The following KCTD8 variants were observed in gnomAD, a reference collection of about 807,000 sequenced individuals.
The protein encoded by KCTD8 is BTB/POZ domain-containing protein KCTD8.
In KCTD8, 27 loss-of-function variants were observed where a neutral mutation model predicts 31.5. That is an observed-to-expected ratio of 0.86 (90% CI 0.63 to 1.18). KCTD8 has a LOEUF of 1.18. Among genes scored for constraint, KCTD8 ranks in the 50% most tolerant of loss-of-function variants. The pLI, the probability that KCTD8 is intolerant of heterozygous loss-of-function variation, is 0.00. For synonymous variants in KCTD8, 290 were observed against 280.0 expected (o/e 1.04, Z -0.36); for missense variants, 658 against 647.7 (o/e 1.02, Z -0.17).
intron 1 of KCTD8, among the ~76,000 whole-genome samples, chr4:44,260,394 C>T (rs1716126726): frequency 6.6e-6 from 1 of 150,910 alleles, no homozygotes; most frequent in African/African-American, 2.4e-5. Flanking sequence ...ACCTTCCAGG[C>T]AAAAAAAGTT....
chr4:44,291,392 C>T (rs10013818), intron 1 of KCTD8, among the ~76,000 whole-genome samples: 32,880 of 152,000 alleles, frequency 0.22, 3,634 homozygotes, highest in East Asian at 0.29. Context: ...GGAGAAAGGA[C>T]TCCCCACTCA....
chr4:44,300,737 TTAAG>T (rs1380839887), intron 1 of KCTD8, among the ~76,000 whole-genome samples: 1 of 152,140 alleles, frequency 6.6e-6, no homozygotes, highest in African/African-American at 2.4e-5. Context: ...TTATTATACT[TTAAG>T]TTTTAGGGTA....
intron 1 of KCTD8, among the ~76,000 whole-genome samples, chr4:44,337,069 G>A (rs1718768914): frequency 6.6e-6 from 1 of 152,112 alleles, no homozygotes; most frequent in Non-Finnish European, 1.5e-5. Flanking sequence ...CATAAAAGAA[G>A]ATAGAAACAC....
At chr4:44,215,354 A>G (rs577577432) in intron 1 of KCTD8, among the ~76,000 whole-genome samples, 206 of 152,324 alleles carry the variant, frequency 1.4e-3, no homozygotes, top group African/African-American at 4.8e-3. Flanking sequence ...ATATAGATGA[A>G]TCATAATTCA....
At position 44,442,084 on chromosome 4, in the gene KCTD8, C is replaced by T. The variant is rs796318432; in HGVS notation, c.961+5479G>A. On this transcript the variant is annotated intron_variant, in intron 1 of 1. Coordinates refer to ENST00000360029, the MANE Select transcript of KCTD8 (RefSeq NM_198353.3). ...TGACCATGACTTTTTAAAAATATGT[C>T]TTTTTATCTATGTGTACACAGAAAA... is the stretch of plus-strand genomic sequence containing the variant. Among the ~76,000 whole-genome samples the T allele has an allele frequency of 1.3e-4, 19 of 151,960 alleles. No individual in the cohort carries two copies. In the East Asian group the frequency reaches 3.7e-3, roughly 29 times the overall value.
chr4:44,416,746 T>C (rs7662479), intron 1 of KCTD8, among the ~76,000 whole-genome samples: 11,812 of 152,244 alleles, frequency 0.078, 1,274 homozygotes, highest in African/African-American at 0.25. Flanking sequence ...GATGCCAGTG[T>C]TATGTTTCCT....
intron 1 of KCTD8, among the ~76,000 whole-genome samples, chr4:44,275,136 TA>T (rs1397177494): frequency 6.6e-6 from 1 of 151,886 alleles, no homozygotes; most frequent in Non-Finnish European, 1.5e-5. Flanking sequence ...GAAGGTATCC[TA>T]AAAATGGAGT....
intron 1 of KCTD8, among the ~76,000 whole-genome samples, chr4:44,298,752 C>G (rs1397049303): frequency 6.6e-6 from 1 of 152,162 alleles, no homozygotes; most frequent in Non-Finnish European, 1.5e-5. Flanking sequence ...ATGTTACCAT[C>G]TTAAAGACAG....
At chr4:44,287,620 C>A (rs553627998) in intron 1 of KCTD8, among the ~76,000 whole-genome samples, 2 of 152,282 alleles carry the variant, frequency 1.3e-5, no homozygotes, top group African/African-American at 4.8e-5. Flanking sequence ...GAGTATTTAT[C>A]TAATAGTCCT....
chr4:44,438,077 A>C (rs1220816124), intron 1 of KCTD8, among the ~76,000 whole-genome samples: 2 of 152,162 alleles, frequency 1.3e-5, no homozygotes, highest in African/African-American at 4.8e-5. Context: ...GAGACATGCT[A>C]GGTGCAGACT....
intron 1 of KCTD8, among the ~76,000 whole-genome samples, chr4:44,440,090 C>T (rs1721781348): frequency 6.6e-6 from 1 of 151,924 alleles, no homozygotes. Flanking sequence ...CGCCACCACG[C>T]CCAGCTAATT....
At chr4:44,419,767 G>A (rs1449576277) in intron 1 of KCTD8, among the ~76,000 whole-genome samples, 2 of 151,910 alleles carry the variant, frequency 1.3e-5, no homozygotes, top group African/African-American at 4.8e-5. Flanking sequence ...TAGTTGATGG[G>A]CGCAGCAAAT....
chr4:44,323,698 C>A (rs1167886314), intron 1 of KCTD8, among the ~76,000 whole-genome samples: 1 of 151,664 alleles, frequency 6.6e-6, no homozygotes, highest in African/African-American at 2.4e-5. Context: ...TACTTTTGTA[C>A]CAACCTAATA....
At chr4:44,179,149 GC>G (rs1713302621) in intron 1 of KCTD8, among the ~76,000 whole-genome samples, 1 of 151,918 alleles carries the variant, frequency 6.6e-6, no homozygotes, top group Non-Finnish European at 1.5e-5. Context: ...TCCTACACTA[GC>G]TTTTTTTTTT....
chr4:44,324,991 T>C (rs1397423437), intron 1 of KCTD8, among the ~76,000 whole-genome samples: 1 of 152,040 alleles, frequency 6.6e-6, no homozygotes, highest in Non-Finnish European at 1.5e-5. Flanking sequence ...CACACCACTG[T>C]TTTAAAGATC....
intron 1 of KCTD8, among the ~76,000 whole-genome samples, chr4:44,292,453 T>C (rs894754612): frequency 2.0e-5 from 3 of 151,848 alleles, no homozygotes; most frequent in South Asian, 2.1e-4. Flanking sequence ...ATGGAAACAA[T>C]AGACACTGAG....
Position 44,442,534 on chromosome 4 carries a change from C to A in KCTD8, c.961+5029G>T, listed in dbSNP as rs554941803. 2.6e-5 allele frequency among the ~76,000 whole-genome samples: 4 copies of A among 152,134 alleles called. No homozygotes were observed. The South Asian group carries it at 8.3e-4, about 32-fold the overall frequency. ...CCTGGGAGGCGGAGGTTGCAGTGAG[C>A]CGAGTCACACCACTGCACTCCAGCC... On this transcript the variant is annotated intron_variant, in intron 1 of 1. Transcript: ENST00000360029.
chr4:44,213,103 A>T lies in KCTD8; in HGVS notation c.962-37853T>A, dbSNP rs546288684. 3.3e-3 allele frequency among the ~76,000 whole-genome samples: 496 copies of T among 151,782 alleles called. 1 individual carries two copies. The highest frequency in any genetic ancestry group is 5.8e-3 in the Non-Finnish European group (396 of 67,904). ...CAGGCGCCCGCCACCATGCCCGCTA[A>T]TTTTTTGTATTTTTTAGTAGAGACG... is the stretch of plus-strand genomic sequence containing the variant. On this transcript the variant is annotated intron_variant, in intron 1 of 1. Transcript: ENST00000360029.
At chr4:44,420,240 A>T (rs546709710) in intron 1 of KCTD8, among the ~76,000 whole-genome samples, 6 of 152,306 alleles carry the variant, frequency 3.9e-5, no homozygotes, top group African/African-American at 1.4e-4. Context: ...TAAACAAAAA[A>T]TTATGGACAA....
Sources: allele counts gnomAD v4.1 joint callset (sites outside exome capture counted in the v4.1 genomes callset), GRCh38; gene constraint gnomAD v4.1.1; transcripts MANE v1.5; gene names NCBI Gene and HGNC (gene_info 2026-07-23, HGNC 2026-07-21).